The following SASS6 variants were observed in gnomAD, a reference collection of about 807,000 sequenced individuals.
SASS6 encodes the protein SAS-6 centriolar assembly protein, also known as spindle assembly abnormal protein 6 homolog.
Under a neutral mutation model 94.9 loss-of-function variants are expected in SASS6, and 59 were observed. The ratio of observed to expected loss-of-function variants is 0.62; its 90% CI spans 0.50 to 0.77. The LOEUF is 0.77. Ranked by LOEUF, SASS6 falls within the 30% of genes least tolerant of loss-of-function variation. The pLI, the probability that SASS6 is intolerant of heterozygous loss-of-function variation, is 0.00. For synonymous variants in SASS6, 264 were observed against 270.0 expected, an observed-to-expected ratio of 0.98 and a Z score of 0.22; for missense variants, 698 against 734.1, an observed-to-expected ratio of 0.95 and a Z score of 0.57.
chr1:100,088,187 A>G lies in SASS6; in HGVS notation c.1724T>C (p.Val575Ala), dbSNP rs749953313. The change falls in exon 15 of 17, where the codon GTT becomes GCT. Residue 575 changes from valine to alanine, a missense_variant. Val to Ala is a moderately conservative substitution (Grantham distance 64). Coordinates refer to ENST00000287482, the MANE Select transcript of SASS6 (RefSeq NM_194292.3). ...CATACTAATAGTTGCTCCTGACTGA[A>G]CATCTCCTAGTGATGCATTTGGTTT... ...FTKPNASLGD[V>A]QSGATISMPC... 14 of 1,608,296 alleles carry G rather than the reference A, an allele frequency of 8.7e-6. No individual in the cohort carries two copies. Among genetic ancestry groups the G allele is most frequent in the Non-Finnish European group, 1.2e-5 (14 of 1,174,874 alleles).
chr1:100,123,141 G>T, intron 3 of SASS6, 69 bp downstream of exon 3: 1 of 681,970 alleles, frequency 1.5e-6, no homozygotes, highest in African/African-American at 1.8e-5. Context: ...GTTTGAAAGA[G>T]AACAGTACCA....
At chr1:100,125,983 C>A in intron 1 of SASS6, 41 bp from the exon 2 acceptor site, 1 of 1,013,844 alleles carries the variant, frequency 9.9e-7, no homozygotes, top group Non-Finnish European at 1.5e-6. Context: ...AACATTCACA[C>A]GAAATGAGTT....
Position 100,084,094 on chromosome 1 carries a change from A to C in SASS6, c.*1234T>G, listed in dbSNP as rs1372342802. The C allele has an allele frequency of 6.6e-6, 1 of 151,614 alleles. No individual in the cohort carries two copies. Among genetic ancestry groups the C allele is most frequent in the Non-Finnish European group, 1.5e-5 (1 of 67,794 alleles). The allele number at this position is 151,614 out of a possible 1,614,324, so 9.4% of individuals were successfully genotyped here. A position where few individuals can be genotyped will look rare whatever the true frequency, so the allele number is the denominator to read the frequency against. ...TACTGAATTTTCAGATTAGATCCCTAGTTTAAAGACACTTGCAATTGCCAA... is the reference window on the plus strand; with the variant it reads ...TACTGAATTTTCAGATTAGATCCCTCGTTTAAAGACACTTGCAATTGCCAA... On this transcript the variant is annotated 3_prime_UTR_variant, in exon 17 of 17. Coordinates refer to ENST00000287482, the MANE Select transcript of SASS6 (RefSeq NM_194292.3).
At chr1:100,086,785 A>G (rs1651313130) in intron 15 of SASS6, among the ~76,000 whole-genome samples, 1 of 150,560 alleles carries the variant, frequency 6.6e-6, no homozygotes, top group Non-Finnish European at 1.5e-5. Context: ...GACTCAAGTG[A>G]TCCTCCTGCC....
chr1:100,086,008 C>CA lies in SASS6; in HGVS notation c.1773-379dup, dbSNP rs542463044. On this transcript the variant is annotated intron_variant, in intron 15 of 16. Transcript: ENST00000287482. The stretch of plus-strand genomic sequence containing the variant: ...AAATAAGATTTCTTTTTCCTTTGAC[C>CA]AAAAGCTCTTCGAAATTTTCTAGTG... Among the ~76,000 whole-genome samples the CA allele has an allele frequency of 7.3e-3, 1,105 of 152,092 alleles. 9 individuals carry two copies. The highest frequency in any genetic ancestry group is 0.026 in the African/African-American group (1,061 of 41,484).
At chr1:100,108,080 G>A in intron 8 of SASS6, 76 bp from the exon 9 acceptor site, 1 of 783,474 alleles carries the variant, frequency 1.3e-6, no homozygotes, top group East Asian at 2.7e-5. Flanking sequence ...TAATTAAGAT[G>A]TCTAACATAT....
rs914997148 is a variant in SASS6 at position 100,113,661 on chromosome 1, G to T, written c.670-3178C>A. On this transcript the variant is annotated intron_variant, in intron 7 of 16. Coordinates refer to ENST00000287482, the MANE Select transcript of SASS6 (RefSeq NM_194292.3). The stretch of plus-strand genomic sequence containing the variant: ...AATCAAGCCAAAAAAAAAAGAAAAG[G>T]TAGTAAATAGAAATTAACGAAATAG... Among the ~76,000 whole-genome samples the T allele has an allele frequency of 3.3e-5, 5 of 151,040 alleles. No individual in the cohort carries two copies. In the East Asian group the frequency reaches 7.8e-4, roughly 23 times the overall value.
intron 14 of SASS6, among the ~76,000 whole-genome samples, chr1:100,098,721 C>T (rs1652264176): frequency 6.6e-6 from 1 of 151,604 alleles, no homozygotes; most frequent in African/African-American, 2.4e-5. Flanking sequence ...TATAGTACAT[C>T]CGTATACTGG....
intron 7 of SASS6, among the ~76,000 whole-genome samples, chr1:100,114,234 G>A (rs1264729684): frequency 6.6e-6 from 1 of 152,064 alleles, no homozygotes; most frequent in African/African-American, 2.4e-5. Context: ...TTATTTCACT[G>A]TTTCAAAGAA....
intron 8 of SASS6, 125 bp downstream of exon 8, chr1:100,110,167 T>G (rs1461080404): frequency 2.1e-6 from 1 of 466,008 alleles, no homozygotes; most frequent in Non-Finnish European, 3.8e-6. Context: ...TTGCATTGTC[T>G]GAATGGATAC....
chr1:100,107,002 TATCA>T lies in SASS6; in HGVS notation c.1327-13_1327-10del, dbSNP rs1557886222. The T allele has an allele frequency of 1.7e-6, 2 of 1,163,708 alleles. No individual in the cohort carries two copies. The highest frequency in any genetic ancestry group is 2.4e-5 in the East Asian group (1 of 42,478). 72.1% of individuals were successfully genotyped at this position (1,163,708 alleles called of 1,614,324 possible). On this transcript the variant is annotated splice_polypyrimidine_tract_variant and intron_variant, in intron 11 of 16. Coordinates refer to ENST00000287482, the MANE Select transcript of SASS6 (RefSeq NM_194292.3). ...TCTTGTAATTTGCATACCTGAAATATATCAATCATCACAATAAGTCAAGCAAAAT... is the reference window on the plus strand; with the variant it reads ...TCTTGTAATTTGCATACCTGAAATATATCATCACAATAAGTCAAGCAAAAT...
intron 14 of SASS6, among the ~76,000 whole-genome samples, chr1:100,094,231 C>T (rs376980701): frequency 3.9e-5 from 6 of 152,202 alleles, no homozygotes; most frequent in African/African-American, 1.4e-4. Context: ...CTGTGAAAGT[C>T]ACAAACTATC....
chr1:100,091,094 C>T (rs1045829090), intron 14 of SASS6, among the ~76,000 whole-genome samples: 8 of 152,020 alleles, frequency 5.3e-5, no homozygotes, highest in African/African-American at 1.9e-4. Context: ...CACATGAGGC[C>T]AGAAGTTTGA....
chr1:100,129,253 A>G (rs2101696922), intron 1 of SASS6, among the ~76,000 whole-genome samples: 1 of 152,118 alleles, frequency 6.6e-6, no homozygotes. Context: ...AAAAAAAATA[A>G]TAATTTTTGA....
rs974994690 is a variant in SASS6, at chr1:100,121,524, C to A, written c.337G>T (p.Ala113Ser). The A allele has an allele frequency of 8.8e-6, 14 of 1,593,326 alleles. No individual in the cohort carries two copies. Among genetic ancestry groups the A allele is most frequent in the Non-Finnish European group, 1.0e-5 (12 of 1,168,006 alleles). The part of the protein sequence containing the change: ...PRFLLQLVSP[A>S]AILDNSPAFL... ...GCAGGTGAGTTATCCAAAATAGCTG[C>A]TGGAGAAACTAACTGTAGCAAAAAC... Residue 113 changes from alanine (A) to serine (S), a missense_variant, in exon 5 of 17, where the codon GCA (alanine) becomes TCA (serine). Physicochemically the swap from Ala to Ser is moderately conservative, Grantham distance 99. Transcript: ENST00000287482.
intron 14 of SASS6, among the ~76,000 whole-genome samples, chr1:100,102,730 G>C (rs995268442): frequency 6.9e-5 from 10 of 145,286 alleles, no homozygotes; most frequent in African/African-American, 2.6e-4. Context: ...GGTTTAAACA[G>C]ACTGATGTCA....
intron 14 of SASS6, among the ~76,000 whole-genome samples, chr1:100,096,975 C>T (rs140948731): frequency 0.049 from 7,427 of 152,086 alleles, 210 homozygotes; most frequent in African/African-American, 0.068. Flanking sequence ...ATTAGCTGGA[C>T]GTGGTGGCGT....
In SASS6 at chr1:100,107,418, C is replaced by T. The variant is rs1029450824; in HGVS notation, c.1282G>A (p.Glu428Lys). The change falls in exon 11 of 17, where the codon GAA becomes AAA. Residue 428 changes from glutamate to lysine, a missense_variant. By Grantham distance (56) the Glu-to-Lys change is moderately conservative (BLOSUM62 1). Coordinates refer to ENST00000287482, the MANE Select transcript of SASS6 (RefSeq NM_194292.3). Reference sequence around the variant, plus strand: ...AGAGACTGTCCAACATCTTGTAATTCCTTTTGTTCCTTTTGTAATTTTTCC... The same window carrying T: ...AGAGACTGTCCAACATCTTGTAATTTCTTTTGTTCCTTTTGTAATTTTTCC... ...KEEKLQKEQK[E>K]LQDVGQSLRI... The T allele has an allele frequency of 1.2e-6, 2 of 1,608,840 alleles. No homozygotes were observed. The highest frequency in any genetic ancestry group is 1.7e-6 in the Non-Finnish European group (2 of 1,175,956).
rs574773441 is a variant in SASS6, at chr1:100,126,314, G to A, written c.66-372C>T. On this transcript the variant is annotated intron_variant, in intron 1 of 16. Transcript: ENST00000287482. ...TTTAGTAACTTTTCAACTGTAAAATGGGGATGTTTTGAGGATTAAATGAGG... is the reference window on the plus strand; with the variant it reads ...TTTAGTAACTTTTCAACTGTAAAATAGGGATGTTTTGAGGATTAAATGAGG... Among the ~76,000 whole-genome samples, 4 of 152,252 alleles carry A rather than the reference G, an allele frequency of 2.6e-5. No individual in the cohort carries two copies. The South Asian group carries it at 8.3e-4, about 32-fold the overall frequency.
Sources: gnomAD v4.1 joint callset for allele counts (sites outside exome capture counted in the v4.1 genomes callset) on GRCh38, gnomAD v4.1.1 for gene constraint, MANE v1.5 for transcripts, NCBI Gene and HGNC (gene_info 2026-07-23, HGNC 2026-07-21) for gene names.